Variants in CRACDL observed in about 807,000 individuals in gnomAD.
CRACDL encodes the protein CRACD-like protein.
Under a neutral mutation model 70.6 loss-of-function variants are expected in CRACDL, and 26 were observed. That is an observed-to-expected ratio of 0.37 (90% CI 0.27 to 0.51). The LOEUF (loss-of-function observed/expected upper bound fraction) is 0.51, where lower values mean the gene tolerates loss of function less well. Ranked by LOEUF, CRACDL falls within the 20% of genes least tolerant of loss-of-function variation. The probability of loss-of-function intolerance (pLI) is 0.94; values close to 1 mark genes in which losing one functional copy is unlikely to be tolerated. For missense variants in CRACDL, 1,283 were observed against 1,376.9 expected, an observed-to-expected ratio of 0.93 and a Z score of 1.08; for synonymous variants, 618 against 615.2, an observed-to-expected ratio of 1.00 and a Z score of -0.07.
At chr2:98,892,797 A>G (rs1034545230) in intron 1 of CRACDL, among the ~76,000 whole-genome samples, 6 of 152,202 alleles carry the variant, frequency 3.9e-5, no homozygotes, top group Non-Finnish European at 8.8e-5. Context: ...CCTAATATGC[A>G]TATTATATAT....
intron 1 of CRACDL, 68 bp downstream of exon 1, chr2:98,935,870 C>A (rs1709193643): frequency 6.6e-6 from 1 of 152,372 alleles, no homozygotes; most frequent in Non-Finnish European, 1.5e-5. Context: ...CGCCCGGTGC[C>A]CCCGCGCCCA....
chr2:98,821,717 T>A, intron 7 of CRACDL, 140 bp downstream of exon 7: 2 of 1,113,890 alleles, frequency 1.8e-6, no homozygotes, highest in Non-Finnish European at 2.5e-6. Context: ...AGACATGATG[T>A]TAGTGGGAAT....
intron 5 of CRACDL, among the ~76,000 whole-genome samples, chr2:98,832,013 T>C (rs180740259): frequency 1.3e-5 from 2 of 152,222 alleles, no homozygotes; most frequent in Non-Finnish European, 2.9e-5. Flanking sequence ...GGAAAACAGA[T>C]ACAACGTGTT....
intron 1 of CRACDL, among the ~76,000 whole-genome samples, chr2:98,887,177 C>A (rs963367733): frequency 5.3e-5 from 8 of 152,034 alleles, no homozygotes; most frequent in Non-Finnish European, 5.9e-5. Context: ...CAATTTAAGG[C>A]ATCGAAAAAA....
intron 1 of CRACDL, among the ~76,000 whole-genome samples, chr2:98,864,887 C>A (rs7608889): frequency 0.5 from 76,122 of 151,998 alleles, 20,059 homozygotes; most frequent in African/African-American, 0.65. Context: ...TGATATGTAA[C>A]TAATATGTCA....
intron 1 of CRACDL, among the ~76,000 whole-genome samples, chr2:98,890,617 AG>A (rs1455509601): frequency 1.3e-5 from 2 of 152,262 alleles, no homozygotes; most frequent in African/African-American, 4.8e-5. Context: ...GCTTGGGATC[AG>A]AAGTGTTTCA....
intron 1 of CRACDL, among the ~76,000 whole-genome samples, chr2:98,886,220 C>T (rs890109477): frequency 2.6e-5 from 4 of 152,178 alleles, no homozygotes; most frequent in South Asian, 2.1e-4. Context: ...GCTGGTGGTT[C>T]CCTGAAAAAC....
intron 1 of CRACDL, among the ~76,000 whole-genome samples, chr2:98,921,556 G>C (rs1220987987): frequency 6.6e-6 from 1 of 152,238 alleles, no homozygotes; most frequent in Admixed American, 6.5e-5. Flanking sequence ...CGAGTGACCA[G>C]GCTGGGCCTA....
intron 1 of CRACDL, among the ~76,000 whole-genome samples, chr2:98,881,851 G>C (rs1414977967): frequency 6.6e-6 from 1 of 152,170 alleles, no homozygotes; most frequent in Non-Finnish European, 1.5e-5. Flanking sequence ...ACTTCTGAGA[G>C]GTGCCTCTTC....
chr2:98,871,882 G>A (rs1393507215), intron 1 of CRACDL, among the ~76,000 whole-genome samples: 7 of 152,218 alleles, frequency 4.6e-5, no homozygotes, highest in African/African-American at 1.4e-4. Flanking sequence ...ATGACAGACT[G>A]CTAAGAGTAT....
intron 1 of CRACDL, among the ~76,000 whole-genome samples, chr2:98,896,435 A>G (rs1417836951): frequency 6.6e-6 from 1 of 152,242 alleles, no homozygotes. Flanking sequence ...AAAAGGAAAT[A>G]AATCCTGAGA....
chr2:98,891,115 A>C, intron 1 of CRACDL, among the ~76,000 whole-genome samples: 1 of 152,036 alleles, frequency 6.6e-6, no homozygotes, highest in East Asian at 1.9e-4. Flanking sequence ...GCAGTGGCTC[A>C]CATCTGTAAT....
chr2:98,857,886 A>G (rs1326209744), intron 1 of CRACDL, among the ~76,000 whole-genome samples: 1 of 152,190 alleles, frequency 6.6e-6, no homozygotes, highest in Non-Finnish European at 1.5e-5. Flanking sequence ...TTATCTCCCT[A>G]TGGAACATTA....
At chr2:98,848,302 C>G (rs1315217430) in intron 1 of CRACDL, among the ~76,000 whole-genome samples, 3 of 152,168 alleles carry the variant, frequency 2.0e-5, no homozygotes, top group Non-Finnish European at 4.4e-5. Context: ...CCCCCTCAAT[C>G]CCCCCTGCAA....
At chr2:98,821,680 G>A (rs189303797) in intron 7 of CRACDL, among the ~76,000 whole-genome samples, 177 bp downstream of exon 7, 19 of 152,348 alleles carry the variant, frequency 1.2e-4, no homozygotes, top group African/African-American at 3.4e-4. Flanking sequence ...GGCCCAGGCC[G>A]CGAGTTGGAC....
rs1301696354 is a variant in CRACDL at position 98,796,165 on chromosome 2, T to G, written c.2704A>C (p.Lys902Gln). 1 of 1,614,196 alleles carries G rather than the reference T, an allele frequency of 6.2e-7. No individual in the cohort carries two copies. The highest frequency in any genetic ancestry group is 2.2e-5 in the East Asian group (1 of 44,888). The change falls in exon 9 of 10, where the codon AAG becomes CAG. Residue 902 changes from lysine (K) to glutamine (Q), a missense_variant. Lys to Gln is a moderately conservative substitution (Grantham distance 53, BLOSUM62 1). Around this residue, in one of 2 missense-constraint regions of CRACDL, gnomAD observed 921 missense variants for 881.9 expected, o/e 1.04. Transcript: ENST00000397899. ...DRKQGAKLNF[K>Q]EGLQRGISLS... is the part of the protein sequence containing the mutation. Reference sequence around the variant, plus strand: ...GAGATTCCTCTTTGCAGCCCCTCCTTGAAGTTGAGCTTTGCCCCCTGCTTC... The same window carrying G: ...GAGATTCCTCTTTGCAGCCCCTCCTGGAAGTTGAGCTTTGCCCCCTGCTTC...
Position 98,822,471 on chromosome 2 carries a change from G to C in CRACDL, c.1802C>G (p.Ala601Gly). 2 of 1,474,486 alleles carry C rather than the reference G, an allele frequency of 1.4e-6. No homozygotes were observed. Among genetic ancestry groups the C allele is most frequent in the African/African-American group, 1.5e-5 (1 of 67,918 alleles). 91.3% of individuals were successfully genotyped at this position (1,474,486 alleles called of 1,614,324 possible). Residue 601 changes from alanine (A) to glycine (G), a missense_variant, in exon 7 of 10, where the codon GCG becomes GGG. Physicochemically the swap from Ala to Gly is moderately conservative, Grantham distance 60. Around this residue, in one of 2 missense-constraint regions of CRACDL, gnomAD observed 921 missense variants for 881.9 expected, o/e 1.04. Transcript: ENST00000397899. The surrounding 1 kb of genome is among the most constrained non-coding windows in gnomAD (Gnocchi z 4.9). The part of the protein sequence containing the change: ...LERASGRLPL[A>G]RSGPVWRSEA... Reference sequence around the variant, plus strand: ...GCTCCTCCAGACCGGGCCGCTCCTCGCGAGGGGCAGGCGGCCGCTGGCCCG... The same window carrying C: ...GCTCCTCCAGACCGGGCCGCTCCTCCCGAGGGGCAGGCGGCCGCTGGCCCG...
chr2:98,878,488 C>T (rs907923438), intron 1 of CRACDL, among the ~76,000 whole-genome samples: 4 of 152,162 alleles, frequency 2.6e-5, no homozygotes, highest in African/African-American at 7.2e-5. Flanking sequence ...TCTAGGTTTG[C>T]GTAAGCATAT....
At chr2:98,905,857 T>C (rs1208953325) in intron 1 of CRACDL, among the ~76,000 whole-genome samples, 1 of 152,162 alleles carries the variant, frequency 6.6e-6, no homozygotes, top group African/African-American at 2.4e-5. Context: ...CCTCAGGTCA[T>C]CTTCCCACTT....
Sources: gnomAD v4.1 joint callset for allele counts (sites outside exome capture counted in the v4.1 genomes callset) on GRCh38, gnomAD v4.1.1 for gene constraint, gnomAD v4.1.1 regional missense constraint, Gnocchi (gnomAD v3.1) non-coding constraint, MANE v1.5 for transcripts, NCBI Gene and HGNC (gene_info 2026-07-23, HGNC 2026-07-21) for gene names.